The following MYO16 variants were observed in gnomAD, a reference collection of about 807,000 sequenced individuals.
The protein encoded by MYO16 is myosin XVI.
A neutral mutation model predicts 205.3 loss-of-function variants in MYO16; 94 were observed. The observed-to-expected ratio is 0.46, with a 90% confidence interval of 0.39 to 0.54. The LOEUF (loss-of-function observed/expected upper bound fraction) is 0.54, where lower values mean the gene tolerates loss of function less well. MYO16 is among the 20% of genes least tolerant of loss of function. The probability of loss-of-function intolerance (pLI) is 0.00; values close to 1 mark genes in which losing one functional copy is unlikely to be tolerated. For missense variants in MYO16, 2,315 were observed against 2,387.5 expected (o/e 0.97, Z 0.63); for synonymous variants, 988 against 954.0 (o/e 1.04, Z -0.66).
chr13:108,620,445 T>C (rs1011974006), intron 1 of MYO16, among the ~76,000 whole-genome samples: 2 of 152,294 alleles, frequency 1.3e-5, no homozygotes, highest in African/African-American at 4.8e-5. Context: ...ACTAAGAGCA[T>C]GCATTCATGT....
intron 20 of MYO16, among the ~76,000 whole-genome samples, chr13:108,969,511 C>T (rs1883926487): frequency 6.6e-6 from 1 of 152,212 alleles, no homozygotes; most frequent in Non-Finnish European, 1.5e-5. Flanking sequence ...GTCCACTTTT[C>T]CCCCAGTGGA....
intron 23 of MYO16, chr13:109,028,416 G>T (rs562337226): frequency 1.2e-5 from 4 of 320,924 alleles, no homozygotes; most frequent in African/African-American, 8.9e-5. Flanking sequence ...CAGAATATTT[G>T]GGATGCTTTG....
At chr13:109,155,233 G>A (rs749529183) in intron 32 of MYO16, among the ~76,000 whole-genome samples, 2 of 152,148 alleles carry the variant, frequency 1.3e-5, no homozygotes, top group Admixed American at 6.5e-5. Flanking sequence ...GACTTGGCGG[G>A]GGGGTGGGTG....
intron 31 of MYO16, among the ~76,000 whole-genome samples, chr13:109,128,440 G>C (rs1237838347): frequency 1.3e-5 from 2 of 152,090 alleles, no homozygotes; most frequent in Non-Finnish European, 2.9e-5. Flanking sequence ...GAGAACATAA[G>C]ATGAAACACA....
intron 28 of MYO16, among the ~76,000 whole-genome samples, chr13:109,104,590 G>C (rs571175799): frequency 2.3e-4 from 35 of 152,266 alleles, no homozygotes; most frequent in Admixed American, 2.0e-3. Flanking sequence ...AGAGTCTCAG[G>C]AAGCATTTGA....
At chr13:109,015,218 A>G (rs1042783209) in intron 22 of MYO16, among the ~76,000 whole-genome samples, 3 of 152,188 alleles carry the variant, frequency 2.0e-5, no homozygotes, top group African/African-American at 4.8e-5. Flanking sequence ...TATTGAGATA[A>G]TCATGTGGTT....
intron 22 of MYO16, among the ~76,000 whole-genome samples, chr13:109,014,533 T>C (rs1885736030): frequency 2.0e-5 from 3 of 152,320 alleles, no homozygotes; most frequent in Non-Finnish European, 2.9e-5. Context: ...GGGGATGGCA[T>C]TGAATCTATA....
At chr13:108,675,216 T>C (rs912480468) in intron 2 of MYO16, among the ~76,000 whole-genome samples, 1 of 152,210 alleles carries the variant, frequency 6.6e-6, no homozygotes, top group East Asian at 1.9e-4. Context: ...CAACTCCACA[T>C]ACATACCTAC....
chr13:108,559,363 T>C, the MYO16 span, among the ~76,000 whole-genome samples: 1 of 152,032 alleles, frequency 6.6e-6, no homozygotes, highest in Non-Finnish European at 1.5e-5. Context: ...GGGCATGCCC[T>C]GCCAACACCT....
At chr13:108,910,685 A>G (rs1566406480) in intron 16 of MYO16, among the ~76,000 whole-genome samples, 1 of 152,186 alleles carries the variant, frequency 6.6e-6, no homozygotes, top group Admixed American at 6.5e-5. Context: ...TGTATTCTCA[A>G]TGTTTGCACT....
upstream of MYO16, among the ~76,000 whole-genome samples, chr13:108,625,316 A>G (rs1422600435): frequency 4.6e-5 from 7 of 152,186 alleles, no homozygotes; most frequent in African/African-American, 1.7e-4. Flanking sequence ...GACTGAGATC[A>G]GGGACTTTAT....
At chr13:108,698,907 C>T (rs1883190277) in intron 2 of MYO16, among the ~76,000 whole-genome samples, 1 of 152,100 alleles carries the variant, frequency 6.6e-6, no homozygotes, top group Non-Finnish European at 1.5e-5. Context: ...CACAGTTTTA[C>T]AAATGAGGGA....
At chr13:108,862,286 T>C (rs1324925950) in intron 11 of MYO16, among the ~76,000 whole-genome samples, 1 of 152,196 alleles carries the variant, frequency 6.6e-6, no homozygotes, top group African/African-American at 2.4e-5. Context: ...TTTGGTTGTA[T>C]GCAGAAGAGT....
the MYO16 span, among the ~76,000 whole-genome samples, chr13:108,551,468 C>G: frequency 6.6e-6 from 1 of 152,194 alleles, no homozygotes; most frequent in Non-Finnish European, 1.5e-5. Context: ...GAACCTGTTT[C>G]CATCTCACCA....
intron 7 of MYO16, among the ~76,000 whole-genome samples, chr13:108,809,075 A>G (rs1230492043): frequency 1.3e-5 from 2 of 152,222 alleles, no homozygotes; most frequent in African/African-American, 2.4e-5. Context: ...ATGAACTCAC[A>G]TGACAACTAT....
At chr13:108,509,249 T>G in the MYO16 span, among the ~76,000 whole-genome samples, 5 of 116,352 alleles carry the variant, frequency 4.3e-5, no homozygotes. Flanking sequence ...AATATCAACT[T>G]GCACAGTATG....
At chr13:108,912,176 G>T (rs1290166922) in intron 16 of MYO16, among the ~76,000 whole-genome samples, 3 of 152,166 alleles carry the variant, frequency 2.0e-5, no homozygotes, top group Non-Finnish European at 4.4e-5. Flanking sequence ...GCTGTGAGGG[G>T]TGAGTGATAG....
upstream of MYO16, among the ~76,000 whole-genome samples, chr13:108,627,374 C>T (rs1003879866): frequency 2.6e-5 from 4 of 152,102 alleles, no homozygotes; most frequent in African/African-American, 9.7e-5. Context: ...CTCAGTGTAT[C>T]CTCCTTCAAC....
chr13:108,804,580 C>T (rs1887059430), intron 6 of MYO16, among the ~76,000 whole-genome samples: 1 of 152,124 alleles, frequency 6.6e-6, no homozygotes, highest in South Asian at 2.1e-4. Flanking sequence ...CTATATCCCA[C>T]AGAGGCTAGC....
Sources: gnomAD v4.1 joint callset for allele counts (sites outside exome capture counted in the v4.1 genomes callset) on GRCh38, gnomAD v4.1.1 for gene constraint, MANE v1.5 for transcripts, NCBI Gene and HGNC (gene_info 2026-07-23, HGNC 2026-07-21) for gene names.